The following NALF1 variants were observed in gnomAD, a reference collection of about 807,000 sequenced individuals.
NALF1 encodes the protein family with sequence similarity 155 member A.
Under a neutral mutation model 48.4 loss-of-function variants are expected in NALF1, and 3 were observed. That is an observed-to-expected ratio of 0.06 (90% CI 0.03 to 0.16). The LOEUF is 0.16. NALF1 is among the 10% of genes least tolerant of loss of function. The pLI, the probability that NALF1 is intolerant of heterozygous loss-of-function variation, is 1.00. For missense variants in NALF1, 526 were observed against 571.5 expected, an observed-to-expected ratio of 0.92 and a Z score of 0.81; for synonymous variants, 262 against 245.7, an observed-to-expected ratio of 1.07 and a Z score of -0.62.
chr13:107,404,495 G>T (rs1412985192), intron 1 of NALF1, among the ~76,000 whole-genome samples: 1 of 151,898 alleles, frequency 6.6e-6, no homozygotes, highest in Non-Finnish European at 1.5e-5. Flanking sequence ...CCTACAGAAA[G>T]AAAATTCAAA....
intron 1 of NALF1, among the ~76,000 whole-genome samples, chr13:107,828,893 C>T (rs925856454): frequency 1.3e-5 from 2 of 152,096 alleles, no homozygotes; most frequent in Non-Finnish European, 2.9e-5. Flanking sequence ...ACCAATTTCA[C>T]CATTTTGGTT....
At chr13:107,216,530 T>C (rs1242445955) in intron 1 of NALF1, among the ~76,000 whole-genome samples, 1 of 152,208 alleles carries the variant, frequency 6.6e-6, no homozygotes, top group Non-Finnish European at 1.5e-5. Context: ...TCTTATGACA[T>C]CAGCACCCCT....
chr13:107,523,826 G>T (rs1183271860), intron 1 of NALF1, among the ~76,000 whole-genome samples: 2 of 151,928 alleles, frequency 1.3e-5, no homozygotes, highest in East Asian at 3.9e-4. Context: ...GAAAATATGT[G>T]ATGAATCCAA....
At chr13:107,186,471 G>C (rs531953137) in intron 2 of NALF1, among the ~76,000 whole-genome samples, 2 of 152,110 alleles carry the variant, frequency 1.3e-5, no homozygotes, top group Non-Finnish European at 2.9e-5. Flanking sequence ...GGGTTCAAGC[G>C]ATTCTCTTGC....
intron 2 of NALF1, among the ~76,000 whole-genome samples, chr13:107,208,089 C>CT (rs1316550330): frequency 6.6e-6 from 1 of 152,172 alleles, no homozygotes; most frequent in African/African-American, 2.4e-5. Flanking sequence ...AAATTATTAT[C>CT]TTTTTCTGTC....
intron 1 of NALF1, among the ~76,000 whole-genome samples, chr13:107,655,155 C>T (rs1420470294): frequency 1.3e-5 from 2 of 151,984 alleles, no homozygotes; most frequent in African/African-American, 4.8e-5. Flanking sequence ...CCAGAGCAAT[C>T]AGACAAGAGA....
intron 1 of NALF1, among the ~76,000 whole-genome samples, chr13:107,538,899 A>G (rs1012472695): frequency 6.6e-6 from 1 of 152,156 alleles, no homozygotes; most frequent in Non-Finnish European, 1.5e-5. Context: ...CATAAAAATA[A>G]TTTAGAAATT....
At chr13:107,759,201 A>G (rs1877197411) in intron 1 of NALF1, among the ~76,000 whole-genome samples, 1 of 151,648 alleles carries the variant, frequency 6.6e-6, no homozygotes, top group Non-Finnish European at 1.5e-5. Context: ...TGTGTCTCTG[A>G]TTTCTTTTGT....
chr13:107,667,437 A>G (rs1385408993), intron 1 of NALF1, among the ~76,000 whole-genome samples: 1 of 152,014 alleles, frequency 6.6e-6, no homozygotes, highest in African/African-American at 2.4e-5. Context: ...CCCCAAATCA[A>G]TGTTCTTTTG....
chr13:107,370,818 T>G (rs1038566186), intron 1 of NALF1, among the ~76,000 whole-genome samples: 3 of 152,142 alleles, frequency 2.0e-5, no homozygotes, highest in Admixed American at 6.5e-5. Context: ...CGAAAGGGGA[T>G]GCAAACACGT....
chr13:107,289,929 G>A (rs1881580402), intron 1 of NALF1, among the ~76,000 whole-genome samples: 1 of 152,186 alleles, frequency 6.6e-6, no homozygotes, highest in South Asian at 2.1e-4. Context: ...CCCCTGTAGT[G>A]AGCCTGTTCA....
chr13:107,595,840 A>C (rs572978752), intron 1 of NALF1, among the ~76,000 whole-genome samples: 1 of 152,232 alleles, frequency 6.6e-6, no homozygotes, highest in Non-Finnish European at 1.5e-5. Context: ...ATAGATGATC[A>C]TGTGATCTCT....
At chr13:107,719,453 C>G (rs1875920633) in intron 1 of NALF1, among the ~76,000 whole-genome samples, 1 of 152,034 alleles carries the variant, frequency 6.6e-6, no homozygotes, top group Non-Finnish European at 1.5e-5. Flanking sequence ...TTTTTTTCCA[C>G]TGACACAATC....
intron 1 of NALF1, among the ~76,000 whole-genome samples, chr13:107,295,856 A>G (rs1320145750): frequency 1.3e-5 from 2 of 152,244 alleles, no homozygotes; most frequent in African/African-American, 4.8e-5. Context: ...ACACTACTTT[A>G]ACAGTTTCTC....
intron 1 of NALF1, among the ~76,000 whole-genome samples, chr13:107,232,883 A>C (rs1880256563): frequency 6.6e-6 from 1 of 152,200 alleles, no homozygotes; most frequent in South Asian, 2.1e-4. Flanking sequence ...AATTCCATGC[A>C]GTAGGCAGTG....
chr13:107,317,844 G>T (rs1436787403), intron 1 of NALF1, among the ~76,000 whole-genome samples: 1 of 151,798 alleles, frequency 6.6e-6, no homozygotes, highest in Non-Finnish European at 1.5e-5. Flanking sequence ...ATAAGATATA[G>T]AATTTTCTAA....
At chr13:107,259,613 A>T (rs1880890067) in intron 1 of NALF1, among the ~76,000 whole-genome samples, 2 of 152,354 alleles carry the variant, frequency 1.3e-5, no homozygotes, top group African/African-American at 4.8e-5. Context: ...TAGAAGAGTC[A>T]AAAATGACAA....
chr13:107,298,351 CAAAAAAA>C lies in NALF1; in HGVS notation c.916-87603_916-87597del, dbSNP rs1192707023. 2.6e-3 allele frequency among the ~76,000 whole-genome samples: 43 copies of C among 16,606 alleles called. No homozygotes were observed. In the East Asian group the frequency reaches 0.07, roughly 27 times the overall value. 10.9% of individuals were successfully genotyped at this position (16,606 alleles called of 152,430 possible). A position where few individuals can be genotyped will look rare whatever the true frequency, so the allele number is the denominator to read the frequency against. ...GGCGACAGAGAGAGAGACTCCATCT[CAAAAAAA>C]AAAAAAAAAAAAAAAAAAAAAAGAC... On this transcript the variant is annotated intron_variant, in intron 1 of 2. Transcript: ENST00000375915.
chr13:107,570,172 T>C (rs1419831683), intron 1 of NALF1, among the ~76,000 whole-genome samples: 1 of 146,310 alleles, frequency 6.8e-6, no homozygotes, highest in Non-Finnish European at 1.5e-5. Flanking sequence ...CTTTCCAATG[T>C]ATATGCTTTT....
Sources: allele counts gnomAD v4.1 joint callset (sites outside exome capture counted in the v4.1 genomes callset), GRCh38; gene constraint gnomAD v4.1.1; transcripts MANE v1.5; gene names NCBI Gene and HGNC (gene_info 2026-07-23, HGNC 2026-07-21).